Variants in ZCCHC4 observed in about 807,000 individuals in gnomAD.
The protein encoded by ZCCHC4 is zinc finger CCHC-type containing 4.
Under a neutral mutation model 67.7 loss-of-function variants are expected in ZCCHC4, and 54 were observed. The ratio of observed to expected loss-of-function variants is 0.80; its 90% confidence interval spans 0.64 to 1.00. The LOEUF (loss-of-function observed/expected upper bound fraction) is 1.00. ZCCHC4 is among the 50% of genes least tolerant of loss of function. ZCCHC4 has a pLI of 0.00. For synonymous variants in ZCCHC4, 198 were observed against 213.5 expected (o/e 0.93, Z 0.63); for missense variants, 609 against 617.0 (o/e 0.99, Z 0.14).
In ZCCHC4 at chr4:25,312,937, G is replaced by T; in HGVS notation, c.127+1G>T. 6.2e-7 allele frequency: 1 copy of T among 1,611,928 alleles called. No individual in the cohort carries two copies. The highest frequency in any genetic ancestry group is 1.1e-5 in the South Asian group (1 of 91,022). The stretch of plus-strand genomic sequence containing the variant: ...GTCCCCGCCCCGCTGTGCCCTCACG[G>T]TGGGTCAGAGTCTGGGCTCAGCCTA... On this transcript the variant is annotated splice_donor_variant, in intron 1 of 12. Coordinates refer to ENST00000302874, the MANE Select transcript of ZCCHC4 (RefSeq NM_024936.3). LOFTEE classifies it high-confidence loss of function.
chr4:25,313,911 A>G (rs1343923517), intron 1 of ZCCHC4, 135 bp from the exon 2 acceptor site: 13 of 617,430 alleles, frequency 2.1e-5, no homozygotes, highest in South Asian at 1.4e-4. Flanking sequence ...ACAACCAACC[A>G]AAGAGATGGA....
At chr4:25,365,665 AT>A in intron 12 of ZCCHC4, 1 of 984,912 alleles carries the variant, frequency 1.0e-6, no homozygotes, top group Non-Finnish European at 1.2e-6. Flanking sequence ...ATGCTTAAAT[AT>A]TTGAAATTTT....
At chr4:25,316,484 T>C (rs1208326515) in intron 3 of ZCCHC4, among the ~76,000 whole-genome samples, 3 of 152,258 alleles carry the variant, frequency 2.0e-5, no homozygotes, top group Non-Finnish European at 4.4e-5. Context: ...ACACCTATTA[T>C]TTCTTGTTTT....
chr4:25,347,670 A>C (rs185166349), intron 6 of ZCCHC4, among the ~76,000 whole-genome samples: 1 of 152,216 alleles, frequency 6.6e-6, no homozygotes, highest in Non-Finnish European at 1.5e-5. Context: ...GAGGCTGTCC[A>C]GGGTGCTTAG....
chr4:25,346,231 A>C lies in ZCCHC4; in HGVS notation c.759+611A>C, dbSNP rs572536792. ...AACCTCAAACTGCTCTAAAAAATAAAAGTTCTTTAAAAAAAAAAAGGACTG... is the reference window on the plus strand; with the variant it reads ...AACCTCAAACTGCTCTAAAAAATAACAGTTCTTTAAAAAAAAAAAGGACTG... On this transcript the variant is annotated intron_variant, in intron 6 of 12. Transcript: ENST00000302874. 3.3e-4 allele frequency among the ~76,000 whole-genome samples: 46 copies of C among 137,854 alleles called. No homozygotes were observed. The East Asian group carries it at 9.5e-3, about 28-fold the overall frequency. 90.4% of individuals were successfully genotyped at this position (137,854 alleles called of 152,430 possible). A position where few individuals can be genotyped will look rare whatever the true frequency, so the allele number is the denominator to read the frequency against.
chr4:25,318,796 T>TG (rs148356862), intron 3 of ZCCHC4, among the ~76,000 whole-genome samples: 68,510 of 150,482 alleles, frequency 0.46, 17,232 homozygotes, highest in Non-Finnish European at 0.56. Flanking sequence ...GTTATTTTTT[T>TG]TGGGGGGCCA....
intron 5 of ZCCHC4, among the ~76,000 whole-genome samples, chr4:25,334,607 G>T (rs1719358623): frequency 6.6e-6 from 1 of 152,172 alleles, no homozygotes; most frequent in Admixed American, 6.5e-5. Flanking sequence ...TAGTTTTGAA[G>T]ATACCTTTAA....
chr4:25,366,507 G>A (rs868239578), intron 12 of ZCCHC4, among the ~76,000 whole-genome samples: 3 of 151,808 alleles, frequency 2.0e-5, no homozygotes, highest in Non-Finnish European at 1.5e-5. Context: ...TAGTAGAGAC[G>A]GGGTTTCGCC....
At chr4:25,361,825 A>T in intron 8 of ZCCHC4, 34 bp from the exon 9 acceptor site, 2 of 1,567,546 alleles carry the variant, frequency 1.3e-6, no homozygotes, top group Non-Finnish European at 1.7e-6. Flanking sequence ...AATTTGAGTA[A>T]ATTTTCTTTC....
intron 3 of ZCCHC4, among the ~76,000 whole-genome samples, chr4:25,330,424 T>G (rs1332327891): frequency 6.6e-6 from 1 of 152,248 alleles, no homozygotes; most frequent in African/African-American, 2.4e-5. Context: ...TGTGTATTTT[T>G]GATTTTGTTC....
In ZCCHC4 at chr4:25,351,651, T is replaced by C; in HGVS notation, c.973T>C (p.Cys325Arg). 1 of 1,612,682 alleles carries C rather than the reference T, an allele frequency of 6.2e-7. No homozygotes were observed. Among genetic ancestry groups the C allele is most frequent in the Non-Finnish European group, 8.5e-7 (1 of 1,179,424 alleles). The part of the protein sequence containing the change: ...IFPYFFESRI[C>R]QFFPSFQMLD... ...CCCCTATTTTTTTGAATCCCGAATT[T>C]GTCAGTTTTTTCCAAGCTTCCAGAT... Residue 325 changes from cysteine to arginine, a missense_variant, in exon 8 of 13, where the codon TGT becomes CGT. Coordinates refer to ENST00000302874, the MANE Select transcript of ZCCHC4 (RefSeq NM_024936.3).
At chr4:25,357,332 G>A (rs1720556591) in intron 8 of ZCCHC4, among the ~76,000 whole-genome samples, 1 of 152,218 alleles carries the variant, frequency 6.6e-6, no homozygotes, top group African/African-American at 2.4e-5. Context: ...TGTAGTGACT[G>A]AACACAGGGC....
At chr4:25,351,481 A>T in intron 7 of ZCCHC4, 108 bp from the exon 8 acceptor site, 1 of 709,454 alleles carries the variant, frequency 1.4e-6, no homozygotes, top group Non-Finnish European at 2.3e-6. Flanking sequence ...TATGAGATTT[A>T]AATGTGTTGA....
intron 8 of ZCCHC4, among the ~76,000 whole-genome samples, chr4:25,361,393 C>T (rs1223085262): frequency 2.0e-5 from 3 of 152,176 alleles, no homozygotes; most frequent in Admixed American, 6.5e-5. Flanking sequence ...AGGAGTAGGC[C>T]GAGGTGGCTT....
At chr4:25,349,216 G>A (rs1720167332) in intron 6 of ZCCHC4, among the ~76,000 whole-genome samples, 1 of 152,134 alleles carries the variant, frequency 6.6e-6, no homozygotes, top group Non-Finnish European at 1.5e-5. Context: ...ATTAAATTTA[G>A]CCTTTTAATT....
At chr4:25,328,492 A>G (rs1719008992) in intron 3 of ZCCHC4, among the ~76,000 whole-genome samples, 1 of 152,086 alleles carries the variant, frequency 6.6e-6, no homozygotes, top group Non-Finnish European at 1.5e-5. Flanking sequence ...TGCCCACCTC[A>G]GCCTCCCAAA....
chr4:25,322,692 A>G (rs1718646365), intron 3 of ZCCHC4, among the ~76,000 whole-genome samples: 1 of 151,736 alleles, frequency 6.6e-6, no homozygotes, highest in African/African-American at 2.4e-5. Flanking sequence ...TAATTTTTGT[A>G]TTTTTAGTAG....
chr4:25,319,678 G>A (rs938670416), intron 3 of ZCCHC4, among the ~76,000 whole-genome samples: 2 of 151,946 alleles, frequency 1.3e-5, no homozygotes. Flanking sequence ...AAAATCAAAG[G>A]CATAATAAAT....
At chr4:25,362,004 A>G (rs1221418636) in intron 9 of ZCCHC4, 24 bp downstream of exon 9, 1 of 1,601,056 alleles carries the variant, frequency 6.2e-7, no homozygotes, top group East Asian at 2.2e-5. Context: ...GGAACTTTGA[A>G]GTACACAAGT....
Sources: allele counts gnomAD v4.1 joint callset (sites outside exome capture counted in the v4.1 genomes callset), GRCh38; gene constraint gnomAD v4.1.1; transcripts MANE v1.5; gene names NCBI Gene and HGNC (gene_info 2026-07-23, HGNC 2026-07-21).